Variants in KAZN observed in about 807,000 individuals in gnomAD.
The protein encoded by KAZN is kazrin, periplakin interacting protein, also known as kazrin.
Under a neutral mutation model 87.4 loss-of-function variants are expected in KAZN, and 40 were observed. The observed-to-expected ratio is 0.46, with a 90% CI of 0.36 to 0.60. The LOEUF (loss-of-function observed/expected upper bound fraction) is 0.60. Ranked by LOEUF, KAZN falls within the 20% of genes least tolerant of loss-of-function variation. KAZN has a pLI of 0.00. For synonymous variants in KAZN, 466 were observed against 458.3 expected, an observed-to-expected ratio of 1.02 and a Z score of -0.22; for missense variants, 898 against 1,073.9, an observed-to-expected ratio of 0.84 and a Z score of 2.29.
intron 2 of KAZN, among the ~76,000 whole-genome samples, chr1:14,353,517 C>T (rs960230380): frequency 3.3e-5 from 5 of 152,158 alleles, no homozygotes; most frequent in Non-Finnish European, 7.3e-5. Flanking sequence ...CCGCGCCCGG[C>T]CGACGTCACT....
intron 1 of KAZN, among the ~76,000 whole-genome samples, chr1:14,636,966 G>A (rs1680037247): frequency 6.6e-6 from 1 of 152,150 alleles, no homozygotes; most frequent in South Asian, 2.1e-4. Context: ...ACAGCCAAAG[G>A]AAACCTTAAA....
intron 2 of KAZN, among the ~76,000 whole-genome samples, chr1:14,417,280 G>A (rs4308970): frequency 0.43 from 65,716 of 151,998 alleles, 14,610 homozygotes; most frequent in African/African-American, 0.5. Context: ...CCATTAAGAA[G>A]GGCAATTTTT....
intron 2 of KAZN, among the ~76,000 whole-genome samples, chr1:14,501,037 A>G (rs1415161063): frequency 6.6e-6 from 1 of 151,684 alleles, no homozygotes; most frequent in Non-Finnish European, 1.5e-5. Context: ...ATAAATACCA[A>G]TTCTTCACAG....
At chr1:14,001,584 C>T (rs12128388) in intron 1 of KAZN, among the ~76,000 whole-genome samples, 12,018 of 152,234 alleles carry the variant, frequency 0.079, 665 homozygotes, top group South Asian at 0.18. Flanking sequence ...TGAGGCATCA[C>T]GCTACCTGAC....
intron 1 of KAZN, among the ~76,000 whole-genome samples, chr1:14,937,011 C>A (rs1252248009): frequency 1.3e-5 from 2 of 152,318 alleles, no homozygotes; most frequent in East Asian, 3.9e-4. Flanking sequence ...CCACCCCGAA[C>A]TAAGTCCACA....
At chr1:13,990,853 G>A (rs1325491157) in intron 1 of KAZN, among the ~76,000 whole-genome samples, 1 of 152,168 alleles carries the variant, frequency 6.6e-6, no homozygotes, top group African/African-American at 2.4e-5. Flanking sequence ...AATGAAGGAG[G>A]TGGGTCTATG....
At chr1:13,947,553 A>G (rs1415791486) in intron 1 of KAZN, among the ~76,000 whole-genome samples, 1 of 152,150 alleles carries the variant, frequency 6.6e-6, no homozygotes, top group East Asian at 1.9e-4. Context: ...TGTCTGTGTC[A>G]AGTCTCCCTC....
chr1:14,105,895 G>C (rs1281391925), intron 1 of KAZN, among the ~76,000 whole-genome samples: 4 of 152,216 alleles, frequency 2.6e-5, no homozygotes, highest in Non-Finnish European at 5.9e-5. Flanking sequence ...CATCAGGGTT[G>C]GGTTCGAGGT....
At chr1:14,207,943 C>A (rs1385678073) in intron 2 of KAZN, among the ~76,000 whole-genome samples, 1 of 152,194 alleles carries the variant, frequency 6.6e-6, no homozygotes, top group African/African-American at 2.4e-5. Flanking sequence ...TGCTTTGAAG[C>A]TTTTGCAACA....
At position 14,581,490 on chromosome 1, in the gene KAZN, C is replaced by T. The variant is rs144762315; in HGVS notation, c.250-17493C>T. ...ATGGCAACAGCTGCCTACATGGTTT[C>T]CTGCCTTCACTTTTGTCTCTGGACA... On this transcript the variant is annotated intron_variant, in intron 2 of 16. Transcript: ENST00000636203. Among the ~76,000 whole-genome samples the T allele has an allele frequency of 5.7e-3, 872 of 152,324 alleles. 11 individuals are homozygous for T. Among genetic ancestry groups the T allele is most frequent in the African/African-American group, 0.02 (841 of 41,574 alleles).
intron 1 of KAZN, among the ~76,000 whole-genome samples, chr1:14,088,909 C>T (rs1392293244): frequency 1.3e-5 from 2 of 149,350 alleles, no homozygotes; most frequent in Non-Finnish European, 3.0e-5. Flanking sequence ...AGATAATATT[C>T]TCTGTTCTAA....
At chr1:14,070,147 G>T (rs1437227435) in intron 1 of KAZN, among the ~76,000 whole-genome samples, 8 of 98,472 alleles carry the variant, frequency 8.1e-5, no homozygotes, top group African/African-American at 3.4e-4. Context: ...CCAGCTTGGC[G>T]ACAGTGCGAG....
At chr1:14,754,895 T>G (rs535185847) in intron 1 of KAZN, among the ~76,000 whole-genome samples, 1 of 151,978 alleles carries the variant, frequency 6.6e-6, no homozygotes, top group East Asian at 1.9e-4. Context: ...TTCCCCCACT[T>G]ACAAAATGAG....
chr1:13,896,614 C>T (rs1255372411), intron 1 of KAZN, among the ~76,000 whole-genome samples: 1 of 152,134 alleles, frequency 6.6e-6, no homozygotes, highest in African/African-American at 2.4e-5. Context: ...AAAAATCCTA[C>T]CCAATTTCCA....
intron 2 of KAZN, among the ~76,000 whole-genome samples, chr1:14,430,457 C>T (rs1665990512): frequency 6.6e-6 from 1 of 152,178 alleles, no homozygotes; most frequent in African/African-American, 2.4e-5. Context: ...AGGGTCTTAA[C>T]CACACCACCC....
intron 2 of KAZN, among the ~76,000 whole-genome samples, chr1:14,980,982 G>A (rs7522712): frequency 0.31 from 47,302 of 152,020 alleles, 7,561 homozygotes; most frequent in Middle Eastern, 0.36. Flanking sequence ...CCAGGCAACC[G>A]TCATTACTCA....
chr1:14,433,158 G>A (rs1021050180), intron 2 of KAZN, among the ~76,000 whole-genome samples: 2 of 151,868 alleles, frequency 1.3e-5, no homozygotes, highest in African/African-American at 4.8e-5. Context: ...CATGAGATAC[G>A]AACATGCAGA....
intron 1 of KAZN, among the ~76,000 whole-genome samples, chr1:14,852,394 G>A (rs1055014474): frequency 3.3e-5 from 5 of 152,226 alleles, no homozygotes; most frequent in South Asian, 4.1e-4. Flanking sequence ...TCAGCCATGC[G>A]GCGATCAGAC....
chr1:13,903,899 G>T (rs188872303), intron 1 of KAZN, among the ~76,000 whole-genome samples: 2 of 152,138 alleles, frequency 1.3e-5, no homozygotes, highest in Non-Finnish European at 2.9e-5. Context: ...GAATGTATGT[G>T]GTGGGTCCCT....
Sources: allele counts gnomAD v4.1 joint callset (sites outside exome capture counted in the v4.1 genomes callset), GRCh38; gene constraint gnomAD v4.1.1; transcripts MANE v1.5; gene names NCBI Gene and HGNC (gene_info 2026-07-23, HGNC 2026-07-21).